The following HDX variants were observed in gnomAD, a reference collection of about 807,000 sequenced individuals.
HDX encodes the protein chromosome X open reading frame 43.
In HDX, 19 loss-of-function variants were observed where a neutral mutation model predicts 45.2. That is an observed-to-expected ratio of 0.42 (90% CI 0.29 to 0.62). The LOEUF (loss-of-function observed/expected upper bound fraction) is 0.62, where lower values mean the gene tolerates loss of function less well. Ranked by LOEUF, HDX falls within the 20% of genes least tolerant of loss-of-function variation. The pLI is 0.20. For missense variants in HDX, 532 were observed against 493.9 expected (o/e 1.08, Z -0.73); for synonymous variants, 188 against 172.8 (o/e 1.09, Z -0.69).
At chrX:84,409,912 G>C (rs1401539222) in intron 5 of HDX, among the ~76,000 whole-genome samples, 6 of 108,055 alleles carry the variant, frequency 5.6e-5, no homozygotes, top group African/African-American at 1.3e-4. Flanking sequence ...AATTAGCCAG[G>C]TGTGATGGCG....
intron 4 of HDX, among the ~76,000 whole-genome samples, chrX:84,467,636 A>AAAGG (rs1413320042): frequency 9.1e-6 from 1 of 109,508 alleles, no homozygotes; most frequent in East Asian, 2.8e-4. Context: ...AAAAAAAAAA[A>AAAGG]AAAGGAAAAG....
chrX:84,416,749 A>G (rs2039111755), intron 5 of HDX, among the ~76,000 whole-genome samples: 2 of 111,679 alleles, frequency 1.8e-5, no homozygotes, highest in East Asian at 2.8e-4. Flanking sequence ...AGTTTTAATA[A>G]CCTATTTTAT....
In HDX at chrX:84,319,843, G is replaced by A. The variant is rs917505165; in HGVS notation, c.*2046C>T. 3.6e-5 allele frequency: 4 copies of A among 111,358 alleles called. No homozygotes were observed. The highest frequency in any genetic ancestry group is 7.6e-5 in the Non-Finnish European group (4 of 52,605). 9.2% of individuals were successfully genotyped at this position (111,358 alleles called of 1,213,427 possible). A position where few individuals can be genotyped will look rare whatever the true frequency, so the allele number is the denominator to read the frequency against. ...TGAGAAATCCAATGTCCAGCACAGT[G>A]TCTTCTCTATAGCAGGAGCTCAACA... On this transcript the variant is annotated 3_prime_UTR_variant, in exon 11 of 11. Coordinates refer to ENST00000373177, the MANE Select transcript of HDX (RefSeq NM_001177479.2).
At chrX:84,493,507 T>G (rs2040935277) in intron 1 of HDX, among the ~76,000 whole-genome samples, 1 of 111,783 alleles carries the variant, frequency 8.9e-6, no homozygotes, top group South Asian at 3.6e-4. Context: ...TGCAAGAAAA[T>G]TTTATGTACA....
intron 6 of HDX, among the ~76,000 whole-genome samples, chrX:84,351,043 CTATCT>C (rs1331315863): frequency 6.4e-5 from 7 of 109,708 alleles, no homozygotes; most frequent in Non-Finnish European, 1.3e-4. Context: ...ATCTATCTAT[CTATCT>C]ATCTATCATC....
intron 4 of HDX, among the ~76,000 whole-genome samples, chrX:84,468,028 C>T (rs1366416880): frequency 9.0e-6 from 1 of 111,391 alleles, no homozygotes; most frequent in Non-Finnish European, 1.9e-5. Context: ...TATCAGCCAT[C>T]AGCACCTAAA....
chrX:84,331,200 A>T (rs2036835828), intron 9 of HDX, among the ~76,000 whole-genome samples: 1 of 111,510 alleles, frequency 9.0e-6, no homozygotes, highest in Non-Finnish European at 1.9e-5. Context: ...ATTTTGTGTT[A>T]TTTAGAATTC....
intron 4 of HDX, among the ~76,000 whole-genome samples, chrX:84,446,794 TCA>T (rs1365189217): frequency 8.9e-6 from 1 of 112,275 alleles, no homozygotes; most frequent in Admixed American, 9.4e-5. Flanking sequence ...GTAGGAGATT[TCA>T]CAGTGTTTTT....
chrX:84,336,741 C>G, intron 8 of HDX, 60 bp downstream of exon 8: 2 of 763,357 alleles, frequency 2.6e-6, no homozygotes, highest in Non-Finnish European at 3.9e-6. Flanking sequence ...TTTTCACCAA[C>G]TGGATACTTG....
intron 3 of HDX, among the ~76,000 whole-genome samples, chrX:84,472,005 T>C (rs1442334103): frequency 9.1e-6 from 1 of 110,475 alleles, no homozygotes; most frequent in Admixed American, 9.7e-5. Context: ...TACAAAAATA[T>C]ATAAGCATTA....
intron 4 of HDX, among the ~76,000 whole-genome samples, chrX:84,456,874 T>C (rs976645737): frequency 2.7e-5 from 3 of 111,648 alleles, no homozygotes; most frequent in Non-Finnish European, 5.7e-5. Flanking sequence ...CATAGATATA[T>C]AAAACATATA....
chrX:84,452,148 A>C (rs779117819), intron 4 of HDX, among the ~76,000 whole-genome samples: 2 of 111,435 alleles, frequency 1.8e-5, no homozygotes, highest in South Asian at 7.6e-4. Flanking sequence ...TCAACATAGT[A>C]ATGGAAGTCC....
rs776410766 is a variant in HDX at position 84,353,215 on chromosome X, G to C, written c.1452+8251C>G. On this transcript the variant is annotated intron_variant, in intron 6 of 10. Coordinates refer to ENST00000373177, the MANE Select transcript of HDX (RefSeq NM_001177479.2). ...TATAAATACAATGCTAATGGGTTTA[G>C]TACATTTTTACAGAATCATGGATAA... Among the ~76,000 whole-genome samples the C allele has an allele frequency of 4.5e-5, 5 of 111,731 alleles. No individual in the cohort carries two copies. The South Asian group carries it at 1.5e-3, about 34-fold the overall frequency.
intron 5 of HDX, among the ~76,000 whole-genome samples, chrX:84,423,048 T>A (rs1419825062): frequency 1.8e-5 from 2 of 110,428 alleles, no homozygotes; most frequent in African/African-American, 6.6e-5. Context: ...AAATCAGAAA[T>A]TAAAAATAAG....
rs2040398431 is a variant in HDX, at chrX:84,468,614, T to C, written c.1109A>G (p.Asn370Ser). 1.7e-6 allele frequency: 2 copies of C among 1,207,529 alleles called. No individual in the cohort carries two copies. The highest frequency in any genetic ancestry group is 3.5e-5 in the African/African-American group (2 of 57,714). Residue 370 changes from asparagine (N) to serine (S), a missense_variant, in exon 4 of 11, where the codon AAC becomes AGC. Asn to Ser is a conservative substitution (Grantham distance 46). Transcript: ENST00000373177. ...TGAGGTCCGTGGTGTCAAATGGTAG[T>C]TTCTGTTTTGATACAGTACATTGTC... is the stretch of plus-strand genomic sequence containing the variant. ...MSDNVLYQNR[N>S]YHLTPRTSLH...
At chrX:84,432,002 AT>A (rs930380183) in intron 5 of HDX, among the ~76,000 whole-genome samples, 6 of 110,800 alleles carry the variant, frequency 5.4e-5, no homozygotes, top group Non-Finnish European at 9.5e-5. Flanking sequence ...TCTTGAGTCG[AT>A]TTTTTTTATA....
chrX:84,422,675 T>G (rs2039284722), intron 5 of HDX, among the ~76,000 whole-genome samples: 1 of 89,652 alleles, frequency 1.1e-5, no homozygotes, highest in African/African-American at 4.1e-5. Context: ...TTTTTTTTTT[T>G]TTTTTTTTTT....
chrX:84,494,983 T>C (rs1446589446), intron 1 of HDX, among the ~76,000 whole-genome samples: 1 of 111,529 alleles, frequency 9.0e-6, no homozygotes, highest in Non-Finnish European at 1.9e-5. Flanking sequence ...AAATGTGGCA[T>C]ATATACAAAA....
chrX:84,365,378 G>T (rs1014831629), intron 5 of HDX, among the ~76,000 whole-genome samples: 1 of 111,465 alleles, frequency 9.0e-6, no homozygotes, highest in Non-Finnish European at 1.9e-5. Flanking sequence ...AGATAGATGA[G>T]ATCAACAGTA....
Sources: gnomAD v4.1 joint callset for allele counts (sites outside exome capture counted in the v4.1 genomes callset) on GRCh38, gnomAD v4.1.1 for gene constraint, MANE v1.5 for transcripts, NCBI Gene and HGNC (gene_info 2026-07-23, HGNC 2026-07-21) for gene names.